ANXA10: variants seen among roughly 807,000 people sequenced by gnomAD.
ANXA10 encodes annexin 14.
In ANXA10, 49 loss-of-function variants were observed where a neutral mutation model predicts 53.5. The observed-to-expected ratio is 0.92, with a 90% CI of 0.73 to 1.16. The LOEUF (loss-of-function observed/expected upper bound fraction) is 1.16, where lower values mean the gene tolerates loss of function less well. Ranked by LOEUF, ANXA10 falls within the 50% of genes most tolerant of loss-of-function variation. ANXA10 has a pLI of 0.00. For synonymous variants in ANXA10, 131 were observed against 128.9 expected (o/e 1.02, Z -0.11); for missense variants, 393 against 394.4 (o/e 1.00, Z 0.03).
intron 1 of ANXA10, among the ~76,000 whole-genome samples, chr4:168,127,448 G>A (rs1368576992): frequency 6.6e-6 from 1 of 152,058 alleles, no homozygotes; most frequent in Non-Finnish European, 1.5e-5. Flanking sequence ...GAAAAAAGCT[G>A]TAGTAGCAGG....
At chr4:168,104,526 T>C (rs977017413) in intron 1 of ANXA10, among the ~76,000 whole-genome samples, 3 of 151,964 alleles carry the variant, frequency 2.0e-5, no homozygotes, top group Admixed American at 6.6e-5. Context: ...AGCTGGAGAT[T>C]TTCTTGCTGA....
intron 1 of ANXA10, among the ~76,000 whole-genome samples, chr4:168,109,470 A>C (rs1219818970): frequency 6.6e-6 from 1 of 152,218 alleles, no homozygotes; most frequent in African/African-American, 2.4e-5. Flanking sequence ...ATATCAGAAA[A>C]TTGATTTGGA....
chr4:168,184,772 ACT>A lies in ANXA10; in HGVS notation c.906+94_906+95del, dbSNP rs925028497. On this transcript the variant is annotated intron_variant, in intron 11 of 11. Transcript: ENST00000359299. ...TCTCATTCAAATAACTTCATGGCAGACTCTAAAAAGTTAACTATTCAGACAGG... is the reference window on the plus strand; with the variant it reads ...TCTCATTCAAATAACTTCATGGCAGACTAAAAAGTTAACTATTCAGACAGG... 3.9e-6 allele frequency: 6 copies of A among 1,527,448 alleles called. No individual in the cohort carries two copies. The African/African-American group carries it at 6.9e-5, about 18-fold the overall frequency. The allele number at this position is 1,527,448 out of a possible 1,614,324, so 94.6% of individuals were successfully genotyped here.
In ANXA10 at chr4:168,165,389, C is replaced by CAAAAAA. The variant is rs33925175; in HGVS notation, c.480+75_480+80dup. The CAAAAAA allele has an allele frequency of 6.0e-5, 24 of 399,988 alleles. No individual in the cohort carries two copies. In the East Asian group the frequency reaches 7.9e-4, roughly 13 times the overall value. 24.8% of individuals were successfully genotyped at this position (399,988 alleles called of 1,614,324 possible). A position where few individuals can be genotyped will look rare whatever the true frequency, so the allele number is the denominator to read the frequency against. ...TAAGCAAATAAGTATATGTCATTGC[C>CAAAAAA]AAAAAAAAAAAAAAAAATAGAACAG... On this transcript the variant is annotated intron_variant, in intron 6 of 11. Coordinates refer to ENST00000359299, the MANE Select transcript of ANXA10 (RefSeq NM_007193.5).
intron 6 of ANXA10, among the ~76,000 whole-genome samples, chr4:168,175,897 A>G (rs1250367739): frequency 6.6e-6 from 1 of 152,200 alleles, no homozygotes; most frequent in African/African-American, 2.4e-5. Context: ...ACTTTCTCAT[A>G]TGCCTCTAGC....
intron 9 of ANXA10, among the ~76,000 whole-genome samples, chr4:168,179,634 A>T (rs1732201483): frequency 1.3e-5 from 2 of 152,148 alleles, no homozygotes. Flanking sequence ...TTTTATCTTT[A>T]CTGACTTCCA....
intron 1 of ANXA10, among the ~76,000 whole-genome samples, chr4:168,122,831 G>A (rs569639597): frequency 6.6e-6 from 1 of 152,150 alleles, no homozygotes; most frequent in Non-Finnish European, 1.5e-5. Flanking sequence ...CTCCCATTAG[G>A]CCCCACCTCC....
chr4:168,147,010 T>G (rs1731417397), intron 3 of ANXA10, among the ~76,000 whole-genome samples: 1 of 152,210 alleles, frequency 6.6e-6, no homozygotes, highest in South Asian at 2.1e-4. Flanking sequence ...GAATCGCCAG[T>G]GAACCAGGCC....
intron 2 of ANXA10, among the ~76,000 whole-genome samples, chr4:168,129,573 T>G (rs867941067): frequency 2.0e-5 from 3 of 152,128 alleles, no homozygotes; most frequent in African/African-American, 7.2e-5. Flanking sequence ...CACTGTAGCA[T>G]GCCAGAGCAT....
At position 168,155,892 on chromosome 4, in the gene ANXA10, TATATG is replaced by T. The variant is rs1731639651; in HGVS notation, c.196-6631_196-6627del. Among the ~76,000 whole-genome samples the T allele has an allele frequency of 1.5e-4, 4 of 26,690 alleles. 1 individual carries two copies. The highest frequency in any genetic ancestry group is 7.7e-4 in the African/African-American group (4 of 5,178). 17.5% of individuals were successfully genotyped at this position (26,690 alleles called of 152,430 possible). On this transcript the variant is annotated intron_variant, in intron 3 of 11. Transcript: ENST00000359299. ...ATCATATATTATATGTTATATATAATATATGATATATCATATATTATATTATATAT... is the reference window on the plus strand; with the variant it reads ...ATCATATATTATATGTTATATATAATATATATCATATATTATATTATATAT...
intron 1 of ANXA10, among the ~76,000 whole-genome samples, chr4:168,096,693 C>G (rs1299748257): frequency 6.6e-6 from 1 of 151,540 alleles, no homozygotes; most frequent in Admixed American, 6.6e-5. Flanking sequence ...GATAACAGCA[C>G]CTATCTTATA....
intron 1 of ANXA10, among the ~76,000 whole-genome samples, chr4:168,119,722 GA>G (rs533904610): frequency 6.3e-4 from 96 of 152,206 alleles, no homozygotes; most frequent in African/African-American, 1.9e-3. Flanking sequence ...TGAACTTTGA[GA>G]AATAGAAAGT....
At chr4:168,111,317 C>A (rs978705272) in intron 1 of ANXA10, among the ~76,000 whole-genome samples, 17 of 152,074 alleles carry the variant, frequency 1.1e-4, no homozygotes, top group African/African-American at 3.9e-4. Context: ...TTTAACCCTT[C>A]AAAAATCTTA....
At chr4:168,143,131 T>C (rs1360715779) in intron 3 of ANXA10, among the ~76,000 whole-genome samples, 1 of 152,156 alleles carries the variant, frequency 6.6e-6, no homozygotes, top group East Asian at 1.9e-4. Flanking sequence ...TTTTCTCTCA[T>C]TCCTTGCCCT....
intron 2 of ANXA10, among the ~76,000 whole-genome samples, chr4:168,138,381 G>C (rs1008172025): frequency 6.6e-6 from 1 of 151,270 alleles, no homozygotes; most frequent in Non-Finnish European, 1.5e-5. Flanking sequence ...GTGGCTGCTT[G>C]TATGTCTTCT....
intron 3 of ANXA10, among the ~76,000 whole-genome samples, chr4:168,159,253 C>A (rs549721268): frequency 6.6e-6 from 1 of 152,096 alleles, no homozygotes; most frequent in Non-Finnish European, 1.5e-5. Context: ...CCTACTTGCT[C>A]GTTAGGTGTC....
intron 9 of ANXA10, among the ~76,000 whole-genome samples, chr4:168,181,210 T>A (rs987754091): frequency 3.3e-5 from 5 of 151,686 alleles, no homozygotes; most frequent in Admixed American, 1.3e-4. Flanking sequence ...GCTAACACAG[T>A]GAAACCCCGT....
At chr4:168,165,880 T>C (rs1401582610) in intron 6 of ANXA10, among the ~76,000 whole-genome samples, 1 of 152,110 alleles carries the variant, frequency 6.6e-6, no homozygotes, top group East Asian at 1.9e-4. Flanking sequence ...TTTCACCATG[T>C]TGGCAAGGCT....
At chr4:168,168,670 C>T (rs1731925749) in intron 6 of ANXA10, among the ~76,000 whole-genome samples, 1 of 152,160 alleles carries the variant, frequency 6.6e-6, no homozygotes, top group Admixed American at 6.5e-5. Flanking sequence ...CCGCCCGCCT[C>T]GGCCTCCCAA....
Sources: allele counts gnomAD v4.1 joint callset (sites outside exome capture counted in the v4.1 genomes callset), GRCh38; gene constraint gnomAD v4.1.1; transcripts MANE v1.5; gene names NCBI Gene and HGNC (gene_info 2026-07-23, HGNC 2026-07-21).